The following MMP26 variants were observed in gnomAD, a reference collection of about 807,000 sequenced individuals.
The protein encoded by MMP26 is matrix metallopeptidase 26.
Under a neutral mutation model 31.0 loss-of-function variants are expected in MMP26, and 33 were observed. The observed-to-expected ratio is 1.06, with a 90% CI of 0.81 to 1.42. MMP26 has a LOEUF of 1.42. Ranked by LOEUF, MMP26 falls within the 40% of genes most tolerant of loss-of-function variation. MMP26 has a pLI of 0.00. For missense variants in MMP26, 347 were observed against 316.1 expected (o/e 1.10, Z -0.74); for synonymous variants, 122 against 114.9 (o/e 1.06, Z -0.40).
At chr11:4,767,075 G>A (rs901490085) in intron 1 of MMP26, among the ~76,000 whole-genome samples, 195 bp from the exon 2 acceptor site, 1 of 152,076 alleles carries the variant, frequency 6.6e-6, no homozygotes, top group African/African-American at 2.4e-5. Flanking sequence ...ATCAAAAGGT[G>A]TTTTTAAAGC....
chr11:4,770,902 G>A (rs1420492964), intron 2 of MMP26, among the ~76,000 whole-genome samples: 1 of 151,906 alleles, frequency 6.6e-6, no homozygotes, highest in Non-Finnish European at 1.5e-5. Context: ...CAGCTGTGTC[G>A]AATTGCTTGC....
At chr11:4,774,457 C>T (rs1848766027) in intron 2 of MMP26, among the ~76,000 whole-genome samples, 1 of 152,098 alleles carries the variant, frequency 6.6e-6, no homozygotes, top group African/African-American at 2.4e-5. Flanking sequence ...GCCCTTTGCC[C>T]ACTTTTTAAT....
chr11:4,745,953 A>G (rs1387565080), intron 1 of MMP26, among the ~76,000 whole-genome samples: 1 of 152,248 alleles, frequency 6.6e-6, no homozygotes, highest in Non-Finnish European at 1.5e-5. Context: ...TTAATGCCGA[A>G]TAATATTCCC....
At chr11:4,729,073 A>T (rs979086707) in intron 1 of MMP26, among the ~76,000 whole-genome samples, 1 of 151,648 alleles carries the variant, frequency 6.6e-6, no homozygotes, top group Non-Finnish European at 1.5e-5. Context: ...AATTGTTCCA[A>T]TTTTTTGCCA....
intron 1 of MMP26, among the ~76,000 whole-genome samples, chr11:4,747,672 C>A (rs1848398447): frequency 6.6e-6 from 1 of 151,912 alleles, no homozygotes; most frequent in African/African-American, 2.4e-5. Flanking sequence ...AGATTGGAGA[C>A]CTAGAGAACT....
intron 2 of MMP26, among the ~76,000 whole-genome samples, chr11:4,788,042 T>C (rs17325742): frequency 0.065 from 9,829 of 152,270 alleles, 426 homozygotes; most frequent in Middle Eastern, 0.13. Context: ...CTGGATATCA[T>C]GCTGGTTCTA....
At chr11:4,930,080 C>T (rs1851325260) in intron 2 of MMP26, among the ~76,000 whole-genome samples, 1 of 151,968 alleles carries the variant, frequency 6.6e-6, no homozygotes, top group Non-Finnish European at 1.5e-5. Context: ...TTTATATATA[C>T]ATTTATAGTA....
intron 2 of MMP26, chr11:4,804,736 G>C: frequency 5.3e-6 from 2 of 375,274 alleles, no homozygotes; most frequent in Non-Finnish European, 1.0e-5. Context: ...CTTGAGGTCA[G>C]GAGTTCAAGA....
At chr11:4,709,424 G>T in intron 1 of MMP26, 1 of 339,598 alleles carries the variant, frequency 2.9e-6, no homozygotes, top group South Asian at 2.4e-5. Context: ...ACAGTAAGTG[G>T]CTATGCATTT....
At chr11:4,778,102 T>C (rs1594811) in intron 2 of MMP26, among the ~76,000 whole-genome samples, 1 of 152,032 alleles carries the variant, frequency 6.6e-6, no homozygotes, top group Non-Finnish European at 1.5e-5. Context: ...GCAGTTCAAA[T>C]CAATTCACAT....
chr11:4,942,088 T>TTAAAAAAAAAAAAAAAAAA, intron 2 of MMP26, among the ~76,000 whole-genome samples: 1 of 5,960 alleles, frequency 1.7e-4, no homozygotes, highest in African/African-American at 7.0e-4. Context: ...AGAGTCCATC[T>TTAAAAAAAAAAAAAAAAAA]CAAAAAAAAA....
chr11:4,807,082 G>GTTA (rs1849280816), intron 2 of MMP26, among the ~76,000 whole-genome samples: 2 of 152,046 alleles, frequency 1.3e-5, no homozygotes, highest in South Asian at 4.1e-4. Flanking sequence ...ATAAATAATT[G>GTTA]TTATTTTTGG....
At chr11:4,933,115 T>G (rs574918794) in intron 2 of MMP26, among the ~76,000 whole-genome samples, 1 of 152,188 alleles carries the variant, frequency 6.6e-6, no homozygotes, top group Non-Finnish European at 1.5e-5. Flanking sequence ...AGGAAAATAT[T>G]TAAAAGTATT....
At chr11:4,750,963 C>T (rs1471670040) in intron 1 of MMP26, among the ~76,000 whole-genome samples, 1 of 151,858 alleles carries the variant, frequency 6.6e-6, no homozygotes, top group Non-Finnish European at 1.5e-5. Flanking sequence ...GATGTGGGAC[C>T]AAACGGGGAC....
intron 1 of MMP26, among the ~76,000 whole-genome samples, chr11:4,721,143 C>T (rs548830875): frequency 6.6e-6 from 1 of 152,216 alleles, no homozygotes; most frequent in African/African-American, 2.4e-5. Flanking sequence ...TTATCAAAAG[C>T]AGAGTCTATA....
intron 2 of MMP26, among the ~76,000 whole-genome samples, chr11:4,841,911 C>T (rs34460105): frequency 1.3e-5 from 2 of 152,084 alleles, no homozygotes; most frequent in African/African-American, 4.8e-5. Context: ...GCAGCCTGGG[C>T]AACAAGAGCA....
chr11:4,848,510 T>C, intron 2 of MMP26: 1 of 1,613,564 alleles, frequency 6.2e-7, no homozygotes, highest in Non-Finnish European at 8.5e-7. Context: ...ACTCCACACC[T>C]TGCAACACCT....
chr11:4,880,964 G>A (rs967512357), intron 2 of MMP26, among the ~76,000 whole-genome samples: 1 of 152,128 alleles, frequency 6.6e-6, no homozygotes, highest in Non-Finnish European at 1.5e-5. Flanking sequence ...TGAGTTGAGT[G>A]AGTGTTATTC....
At chr11:4,769,813 A>G (rs1848690996) in intron 2 of MMP26, 1 of 1,613,192 alleles carries the variant, frequency 6.2e-7, no homozygotes, top group South Asian at 1.1e-5. Context: ...TGGCATAAAA[A>G]CAACAGAAAG....
Sources: gnomAD v4.1 joint callset for allele counts (sites outside exome capture counted in the v4.1 genomes callset) on GRCh38, gnomAD v4.1.1 for gene constraint, MANE v1.5 for transcripts, NCBI Gene and HGNC (gene_info 2026-07-23, HGNC 2026-07-21) for gene names.